Variants in ATP2C2 observed in about 807,000 individuals in gnomAD.
ATP2C2 encodes calcium-transporting ATPase type 2C member 2.
A neutral mutation model predicts 110.8 loss-of-function variants in ATP2C2; 171 were observed. The observed-to-expected ratio is 1.54, with a 90% confidence interval of 1.36 to 1.75. The LOEUF (loss-of-function observed/expected upper bound fraction) is 1.75. Among genes scored for constraint, ATP2C2 ranks in the 40% most tolerant of loss-of-function variants. ATP2C2 has a pLI of 0.00. For synonymous variants in ATP2C2, 804 were observed against 508.4 expected (o/e 1.58, Z -7.82); for missense variants, 1,963 against 1,235.0 (o/e 1.59, Z -8.84).
At chr16:84,453,930 T>TCC (rs1910555672) in intron 20 of ATP2C2, among the ~76,000 whole-genome samples, 2 of 152,224 alleles carry the variant, frequency 1.3e-5, no homozygotes, top group Non-Finnish European at 2.9e-5. Context: ...AACCTCTGCC[T>TCC]CCCAGGGTTA....
chr16:84,415,669 A>G, intron 7 of ATP2C2, 78 bp downstream of exon 7: 1 of 1,177,592 alleles, frequency 8.5e-7, no homozygotes, highest in Middle Eastern at 2.1e-4. Context: ...AATTGTAGGC[A>G]TGTATAGTCT....
intron 3 of ATP2C2, among the ~76,000 whole-genome samples, chr16:84,405,893 C>G (rs1043910991): frequency 6.6e-6 from 1 of 152,168 alleles, no homozygotes; most frequent in Non-Finnish European, 1.5e-5. Flanking sequence ...GTGCTCCAGC[C>G]TGGACAACAG....
chr16:84,372,233 G>T (rs112007839), intron 1 of ATP2C2, among the ~76,000 whole-genome samples: 3 of 152,284 alleles, frequency 2.0e-5, no homozygotes, highest in African/African-American at 7.2e-5. Flanking sequence ...CCAAACATTA[G>T]AACTGTGATA....
chr16:84,428,358 T>C (rs1907970118), intron 11 of ATP2C2, among the ~76,000 whole-genome samples: 1 of 152,254 alleles, frequency 6.6e-6, no homozygotes, highest in Admixed American at 6.5e-5. Context: ...CGACACTGCA[T>C]GGTGTGCATT....
At chr16:84,381,155 C>G (rs573685356) in intron 1 of ATP2C2, among the ~76,000 whole-genome samples, 1 of 152,094 alleles carries the variant, frequency 6.6e-6, no homozygotes, top group African/African-American at 2.4e-5. Context: ...TGGGGATAGG[C>G]GGTGAAGTTA....
chr16:84,442,737 T>A lies in ATP2C2; in HGVS notation c.1401+138T>A, dbSNP rs1909387340. On this transcript the variant is annotated intron_variant, in intron 15 of 26. Coordinates refer to ENST00000262429, the MANE Select transcript of ATP2C2 (RefSeq NM_014861.4). ...GGAAGAAAATGGCCCACACTGGCCT[T>A]GGGCCATCTGTTGGTGGTGGAGGAG... 12 of 795,644 alleles carry A rather than the reference T, an allele frequency of 1.5e-5. No homozygotes were observed. In the South Asian group the frequency reaches 1.8e-4, roughly 12 times the overall value. The allele number at this position is 795,644 out of a possible 1,614,324, so 49.3% of individuals were successfully genotyped here. A position where few individuals can be genotyped will look rare whatever the true frequency, so the allele number is the denominator to read the frequency against.
At chr16:84,422,250 C>T (rs189071026) in intron 7 of ATP2C2, 140 bp from the exon 8 acceptor site, 51 of 986,796 alleles carry the variant, frequency 5.2e-5, no homozygotes, top group East Asian at 4.0e-4. Context: ...CCTCAGAGGC[C>T]GTCGTTGTGA....
At chr16:84,389,432 G>A (rs1047550623) in intron 1 of ATP2C2, among the ~76,000 whole-genome samples, 1 of 152,238 alleles carries the variant, frequency 6.6e-6, no homozygotes, top group African/African-American at 2.4e-5. Context: ...GGTGTCGTCA[G>A]ATTTACACAT....
rs564932940 is a variant in ATP2C2, at chr16:84,404,571, C to T, written c.211-557C>T. The stretch of plus-strand genomic sequence containing the variant: ...TAAATAGTATTTCATTGTGTGTGTA[C>T]ACCATGTTTCATGCATTCATTCATC... On this transcript the variant is annotated intron_variant, in intron 2 of 26. Transcript: ENST00000262429. The T allele has an allele frequency of 1.1e-4, 26 of 238,484 alleles. No individual in the cohort carries two copies. In the South Asian group the frequency reaches 1.2e-3, roughly 11 times the overall value. 14.8% of individuals were successfully genotyped at this position (238,484 alleles called of 1,614,324 possible).
At chr16:84,387,269 C>T (rs1329888881) in intron 1 of ATP2C2, among the ~76,000 whole-genome samples, 1 of 152,136 alleles carries the variant, frequency 6.6e-6, no homozygotes, top group East Asian at 1.9e-4. Flanking sequence ...TGCCTGTAAT[C>T]CCAGCGCGTT....
intron 11 of ATP2C2, among the ~76,000 whole-genome samples, chr16:84,432,372 C>T (rs994060283): frequency 3.3e-5 from 5 of 152,118 alleles, no homozygotes; most frequent in Non-Finnish European, 7.4e-5. Context: ...CACCTACCAA[C>T]CCGTCATCTA....
Position 84,448,634 on chromosome 16 carries a change from G to C in ATP2C2, c.1605G>C (p.Gln535His). ...NGGIPLPLTP[Q>H]QRSFCLQEEK... ...GCATCCCCCTGCCGCTGACGCCCCA[G>C]CAGAGGTCATTCTGCCTGCAGGAAG... is the stretch of plus-strand genomic sequence containing the variant. The change falls in exon 17 of 27, where the codon CAG (glutamine) becomes CAC (histidine). Residue 535 changes from glutamine to histidine, a missense_variant. Coordinates refer to ENST00000262429, the MANE Select transcript of ATP2C2 (RefSeq NM_014861.4). 6.2e-7 allele frequency: 1 copy of C among 1,614,000 alleles called. No individual in the cohort carries two copies. Among genetic ancestry groups the C allele is most frequent in the Non-Finnish European group, 8.5e-7 (1 of 1,179,932 alleles).
At chr16:84,443,301 C>T (rs1443327769) in intron 15 of ATP2C2, among the ~76,000 whole-genome samples, 2 of 152,200 alleles carry the variant, frequency 1.3e-5, no homozygotes, top group East Asian at 1.9e-4. Context: ...ACGTCTGTTT[C>T]CATGGCCACT....
At chr16:84,391,223 G>T (rs1211741422) in intron 1 of ATP2C2, among the ~76,000 whole-genome samples, 1 of 151,976 alleles carries the variant, frequency 6.6e-6, no homozygotes, top group Non-Finnish European at 1.5e-5. Flanking sequence ...TTACCAGGAT[G>T]CGCCACTCTC....
intron 7 of ATP2C2, among the ~76,000 whole-genome samples, chr16:84,417,604 A>C (rs1567709347): frequency 3.3e-5 from 5 of 152,298 alleles, no homozygotes; most frequent in Admixed American, 1.3e-4. Context: ...TGTTAAATTA[A>C]ACTGTGGCTG....
At chr16:84,405,303 G>T in intron 3 of ATP2C2, 59 bp downstream of exon 3, 1 of 1,429,590 alleles carries the variant, frequency 7.0e-7, no homozygotes, top group Non-Finnish European at 9.7e-7. Context: ...GGGTGGGGCA[G>T]CCATTCCATC....
At chr16:84,417,068 G>A (rs1193735852) in intron 7 of ATP2C2, among the ~76,000 whole-genome samples, 3 of 152,194 alleles carry the variant, frequency 2.0e-5, no homozygotes, top group Non-Finnish European at 4.4e-5. Context: ...TGAGCCCTGG[G>A]ACCATCATTC....
chr16:84,394,812 A>G (rs929375803), intron 1 of ATP2C2, among the ~76,000 whole-genome samples: 6 of 152,122 alleles, frequency 3.9e-5, no homozygotes, highest in African/African-American at 9.7e-5. Context: ...TTATCTCTGC[A>G]AAATTCTCCT....
At chr16:84,420,794 A>G (rs1244019848) in intron 7 of ATP2C2, among the ~76,000 whole-genome samples, 1 of 151,776 alleles carries the variant, frequency 6.6e-6, no homozygotes, top group African/African-American at 2.4e-5. Flanking sequence ...TTTGACCTTG[A>G]CCTTGACAGT....
Sources: gnomAD v4.1 joint callset for allele counts (sites outside exome capture counted in the v4.1 genomes callset) on GRCh38, gnomAD v4.1.1 for gene constraint, MANE v1.5 for transcripts, NCBI Gene and HGNC (gene_info 2026-07-23, HGNC 2026-07-21) for gene names.